OGT: variants seen among roughly 807,000 people sequenced by gnomAD.
The protein encoded by OGT is UDP-N-acetylglucosamine--peptide N-acetylglucosaminyltransferase 110 kDa subunit.
Under a neutral mutation model 75.8 loss-of-function variants are expected in OGT, and 3 were observed. The ratio of observed to expected loss-of-function variants is 0.04; its 90% CI spans 0.02 to 0.10. The LOEUF is 0.10. Ranked by LOEUF, OGT falls within the 10% of genes least tolerant of loss-of-function variation. OGT has a pLI of 1.00. For synonymous variants in OGT, 257 were observed against 289.7 expected (o/e 0.89, Z 1.15); for missense variants, 260 against 824.4 (o/e 0.32, Z 8.38).
chrX:71,571,716 C>T (rs1466691559), intron 21 of OGT, among the ~76,000 whole-genome samples: 5 of 110,812 alleles, frequency 4.5e-5, no homozygotes, highest in East Asian at 2.8e-4. Flanking sequence ...TCTTTTGAGG[C>T]GGAAGTTATA....
chrX:71,551,978 C>T (rs2040307192), intron 5 of OGT, among the ~76,000 whole-genome samples: 2 of 110,399 alleles, frequency 1.8e-5, no homozygotes, highest in Admixed American at 9.6e-5. Context: ...GAGGCTGAGG[C>T]GAGTGGATCA....
chrX:71,552,051 T>C (rs1267802889), intron 5 of OGT, among the ~76,000 whole-genome samples: 2 of 106,384 alleles, frequency 1.9e-5, no homozygotes, highest in Non-Finnish European at 3.9e-5. Context: ...CTACTCAAAA[T>C]ACAAAAGAAA....
rs762875315 is a variant in OGT at position 71,559,693 on chromosome X, A to G, written c.1851+16A>G. On this transcript the variant is annotated intron_variant, in intron 14 of 21. Coordinates refer to ENST00000373719, the MANE Select transcript of OGT (RefSeq NM_181672.3). ...TCTTTCTCAGGTAGATGAAACTCTC[A>G]TACTTTAACTTTTTATTTTGAGCAA... The G allele has an allele frequency of 9.7e-6, 11 of 1,130,787 alleles. No individual in the cohort carries two copies. The highest frequency in any genetic ancestry group is 2.3e-5 in the Admixed American group (1 of 42,565). 93.2% of individuals were successfully genotyped at this position (1,130,787 alleles called of 1,213,427 possible).
At chrX:71,533,375 G>A (rs889801825) in intron 1 of OGT, 39 bp downstream of exon 1, 29 of 1,134,560 alleles carry the variant, frequency 2.6e-5, no homozygotes, top group Non-Finnish European at 3.3e-5. Flanking sequence ...ATGCCCCCTT[G>A]GGGTCTCGCG....
chrX:71,565,561 A>AT (rs1317301835), intron 19 of OGT, among the ~76,000 whole-genome samples: 1 of 111,576 alleles, frequency 9.0e-6, no homozygotes, highest in Non-Finnish European at 1.9e-5. Context: ...AGAGATGTAG[A>AT]TTTTTCAGGC....
chrX:71,567,571 A>C lies in OGT; in HGVS notation c.2661A>C (p.Gln887His). The change falls in exon 20 of 22, where the codon CAA becomes CAC. Residue 887 changes from glutamine (Q) to histidine (H), a missense_variant. Physicochemically the swap from Gln to His is conservative, Grantham distance 24 (BLOSUM62 0). Around this residue, in one of 6 missense-constraint regions of OGT, gnomAD observed 79 missense variants for 141.0 expected, o/e 0.56. Coordinates refer to ENST00000373719, the MANE Select transcript of OGT (RefSeq NM_181672.3). Reference sequence around the variant, plus strand: ...CAGCAGTAGGAGAACCTAATATTCAACAGTATGCACAAAACATGGGCCTGC... The same window carrying C: ...CAGCAGTAGGAGAACCTAATATTCACCAGTATGCACAAAACATGGGCCTGC... ...RFPAVGEPNI[Q>H]QYAQNMGLPQ... The C allele has an allele frequency of 8.3e-7, 1 of 1,203,686 alleles. No homozygotes were observed. The highest frequency in any genetic ancestry group is 1.1e-6 in the Non-Finnish European group (1 of 889,454).
At position 71,555,999 on chromosome X, in the gene OGT, C is replaced by G. The variant is rs1569427911; in HGVS notation, c.970C>G (p.Pro324Ala). 8.3e-7 allele frequency: 1 copy of G among 1,210,687 alleles called. No individual in the cohort carries two copies. Residue 324 changes from proline to alanine, a missense_variant, in exon 8 of 22, where the codon CCC becomes GCC. By Grantham distance (27) the Pro-to-Ala change is conservative. Transcript: ENST00000373719. ...DCYNTALRLC[P>A]THADSLNNLA... is the part of the protein sequence containing the mutation. ...TTATAATACAGCTCTCCGTCTGTGT[C>G]CCACCCATGCAGACTCTCTGAATAA...
In OGT at chrX:71,557,072, A is replaced by G. The variant is rs981362535; in HGVS notation, c.1287A>G (p.Ala429=). The G allele has an allele frequency of 4.1e-6, 5 of 1,209,893 alleles. No individual in the cohort carries two copies. The highest frequency in any genetic ancestry group is 5.6e-6 in the Non-Finnish European group (5 of 894,725). Residue 429 remains alanine (A), a synonymous_variant, in exon 10 of 22, where the codon GCA becomes GCG. Coordinates refer to ENST00000373719, the MANE Select transcript of OGT (RefSeq NM_181672.3). ...TRAIQINPAF[A]DAHSNLASIH... is the part of the protein sequence containing the mutation. ...CCATCCAAATTAATCCTGCATTTGC[A>G]GATGCACATAGCAATCTGGCTTCCA...
In OGT at chrX:71,574,830, G is replaced by A. The variant is rs1338827191; in HGVS notation, c.*1036G>A. On this transcript the variant is annotated 3_prime_UTR_variant, in exon 22 of 22. Coordinates refer to ENST00000373719, the MANE Select transcript of OGT (RefSeq NM_181672.3). ...GAAATGAAATCCCAGGTAAGTATAA[G>A]TATTCAAGTATTTGATCAGTAAGTC... 1 of 106,805 alleles carries A rather than the reference G, an allele frequency of 9.4e-6. No individual in the cohort carries two copies. The highest frequency in any genetic ancestry group is 1.9e-5 in the Non-Finnish European group (1 of 51,947). 8.8% of individuals were successfully genotyped at this position (106,805 alleles called of 1,213,427 possible).
At chrX:71,546,684 C>G in intron 4 of OGT, 1 of 731,873 alleles carries the variant, frequency 1.4e-6, no homozygotes, top group South Asian at 7.0e-5. Flanking sequence ...AGATAATTTA[C>G]TTAGTAAAAG....
intron 5 of OGT, among the ~76,000 whole-genome samples, chrX:71,553,456 CT>C (rs1396472391): frequency 9.1e-6 from 1 of 110,041 alleles, no homozygotes; most frequent in Non-Finnish European, 1.9e-5. Flanking sequence ...AATCAAATAC[CT>C]TTTCGGTGTG....
At chrX:71,561,513 T>C (rs1027637046) in intron 14 of OGT, among the ~76,000 whole-genome samples, 1 of 110,089 alleles carries the variant, frequency 9.1e-6, no homozygotes, top group African/African-American at 3.3e-5. Context: ...CTCTGTGATA[T>C]GTTGTTATTC....
chrX:71,536,350 G>C lies in OGT; in HGVS notation c.210G>C (p.Arg70Ser). The change falls in exon 2 of 22, where the codon AGG becomes AGC. Residue 70 changes from arginine to serine, a missense_variant. Arg to Ser is a moderately radical substitution (Grantham distance 110). Around this residue, in one of 6 missense-constraint regions of OGT, gnomAD observed 38 missense variants for 117.1 expected, o/e 0.32. Transcript: ENST00000373719. Reference protein sequence around the residue: ...LLSSIHFQCRRLDRSAHFSTL... With the variant: ...LLSSIHFQCRSLDRSAHFSTL... ...CATCTATACACTTCCAGTGTCGAAG[G>C]CTGGACAGGTAGGAGATGTTGGGGT... 8.5e-7 allele frequency: 1 copy of C among 1,170,441 alleles called. No homozygotes were observed.
chrX:71,544,319 G>T (rs1252540721), intron 3 of OGT, among the ~76,000 whole-genome samples: 2 of 111,885 alleles, frequency 1.8e-5, no homozygotes, highest in Admixed American at 9.5e-5. Context: ...CATACTAAGT[G>T]AGATAATTAA....
intron 4 of OGT, chrX:71,544,843 T>C: frequency 2.4e-6 from 1 of 411,284 alleles, no homozygotes; most frequent in Non-Finnish European, 4.3e-6. Flanking sequence ...CCTGAACATT[T>C]TGGAGCCTTT....
At chrX:71,533,471 C>A in intron 1 of OGT, 135 bp downstream of exon 1, 4 of 568,791 alleles carry the variant, frequency 7.0e-6, no homozygotes, top group Non-Finnish European at 1.2e-5. Flanking sequence ...TTTTCGTGGT[C>A]TACTGGCATC....
At chrX:71,548,249 A>G (rs947608217) in intron 5 of OGT, among the ~76,000 whole-genome samples, 2 of 111,534 alleles carry the variant, frequency 1.8e-5, no homozygotes, top group Admixed American at 1.9e-4. Flanking sequence ...TCGAGTACCC[A>G]TGCAGCCATT....
At chrX:71,558,360 G>A (rs2040357310) in intron 12 of OGT, among the ~76,000 whole-genome samples, 1 of 109,369 alleles carries the variant, frequency 9.1e-6, no homozygotes, top group Non-Finnish European at 1.9e-5. Flanking sequence ...GGAGTGCTAG[G>A]TGTACTTTTT....
chrX:71,565,248 A>G lies in OGT; in HGVS notation c.2589+495A>G, dbSNP rs779635922. On this transcript the variant is annotated intron_variant, in intron 19 of 21. Transcript: ENST00000373719. ...CTGGGTTATGCCCTTTTTTTAAAAA[A>G]CAGAATCTCACTCTGTTGTTCGGGC... is the stretch of plus-strand genomic sequence containing the variant. Among the ~76,000 whole-genome samples, 92 of 111,912 alleles carry G rather than the reference A, an allele frequency of 8.2e-4. 1 individual carries two copies. The Middle Eastern group carries it at 0.018, about 22-fold the overall frequency.
Sources: allele counts gnomAD v4.1 joint callset (sites outside exome capture counted in the v4.1 genomes callset), GRCh38; gene constraint gnomAD v4.1.1; regional missense constraint gnomAD v4.1.1; transcripts MANE v1.5; gene names NCBI Gene and HGNC (gene_info 2026-07-23, HGNC 2026-07-21).